The following TSC2 variants were observed in gnomAD, a reference collection of about 807,000 sequenced individuals.
TSC2 encodes TSC complex subunit 2.
In TSC2, 29 loss-of-function variants were observed where a neutral mutation model predicts 202.2. The observed-to-expected ratio is 0.14, with a 90% confidence interval of 0.11 to 0.20. The LOEUF is 0.20. Among genes scored for constraint, TSC2 ranks in the 10% least tolerant of loss-of-function variants. TSC2 has a pLI of 1.00. For missense variants in TSC2, 2,429 were observed against 2,420.0 expected (o/e 1.00, Z -0.08); for synonymous variants, 1,349 against 1,044.0 (o/e 1.29, Z -5.63).
intron 33 of TSC2, 143 bp downstream of exon 33, chr16:2,083,959 G>T: frequency 7.0e-7 from 1 of 1,424,382 alleles, no homozygotes; most frequent in South Asian, 1.4e-5. Flanking sequence ...TGCACAGACG[G>T]TCTGCACTTT....
At chr16:2,081,539 A>G in intron 30 of TSC2, 56 bp from the exon 31 acceptor site, 2 of 1,608,640 alleles carry the variant, frequency 1.2e-6, no homozygotes, top group Middle Eastern at 1.7e-4. Flanking sequence ...CTGGGGGGCC[A>G]GAGATGGGTA....
At chr16:2,074,075 A>T in intron 21 of TSC2, 125 bp from the exon 22 acceptor site, 1 of 1,256,096 alleles carries the variant, frequency 8.0e-7, no homozygotes, top group Non-Finnish European at 1.1e-6. Flanking sequence ...GCTCTGCCCC[A>T]CAGGCATTCA....
chr16:2,053,898 A>T, intron 4 of TSC2: 1 of 445,510 alleles, frequency 2.2e-6, no homozygotes, highest in Non-Finnish European at 4.4e-6. Flanking sequence ...CTACTCCTTC[A>T]TGTCCCAGCT....
chr16:2,071,265 TGTG>T, intron 17 of TSC2: 3 of 579,072 alleles, frequency 5.2e-6, no homozygotes, highest in Non-Finnish European at 9.4e-6. Flanking sequence ...CGGGCCCAGC[TGTG>T]GTGGTGGGGA....
intron 13 of TSC2, 118 bp from the exon 14 acceptor site, chr16:2,062,854 C>T: frequency 1.7e-6 from 2 of 1,171,854 alleles, no homozygotes; most frequent in Non-Finnish European, 1.2e-6. Context: ...AGCTCTGTGC[C>T]CTGTGTGCCT....
At position 2,053,675 on chromosome 16, in the gene TSC2, CT is replaced by C. The variant is rs1478528269; in HGVS notation, c.336+225del. The C allele has an allele frequency of 1.3e-5, 9 of 669,992 alleles. No individual in the cohort carries two copies. In the Admixed American group the frequency reaches 1.6e-4, roughly 12 times the overall value. 41.5% of individuals were successfully genotyped at this position (669,992 alleles called of 1,614,324 possible). On this transcript the variant is annotated intron_variant, in intron 4 of 41. Transcript: ENST00000219476. Reference sequence around the variant, plus strand: ...GCCTGTAAACAGATGGTCACTGCACCTTCCTCTTATGGGATGTTCTGGGGAT... The same window carrying C: ...GCCTGTAAACAGATGGTCACTGCACCTCCTCTTATGGGATGTTCTGGGGAT...
At chr16:2,075,974 C>A in intron 23 of TSC2, 82 bp downstream of exon 23, 1 of 1,611,602 alleles carries the variant, frequency 6.2e-7, no homozygotes, top group East Asian at 2.2e-5. Context: ...CAGCCTTTGT[C>A]CCCAAGGCCT....
At position 2,088,713 on chromosome 16, in the gene TSC2, G is replaced by C. The variant is rs550001058; in HGVS notation, c.*103G>C. ...CACAGACATAGAGGCACAGATTGCA[G>C]TCAGACAGCTCTTTTATTGACTTTG... On this transcript the variant is annotated 3_prime_UTR_variant, in exon 42 of 42. Coordinates refer to ENST00000219476, the MANE Select transcript of TSC2 (RefSeq NM_000548.5). 1.4e-6 allele frequency: 2 copies of C among 1,436,872 alleles called. No homozygotes were observed. Among genetic ancestry groups the C allele is most frequent in the East Asian group, 2.5e-5 (1 of 40,142 alleles). 89.0% of individuals were successfully genotyped at this position (1,436,872 alleles called of 1,614,324 possible).
intron 24 of TSC2, 149 bp from the exon 25 acceptor site, chr16:2,076,342 G>A (rs1373455235): frequency 1.1e-5 from 17 of 1,561,030 alleles, no homozygotes; most frequent in East Asian, 4.6e-5. Context: ...GCTTTGATGC[G>A]CGGCAGGCAT....
intron 24 of TSC2, 102 bp from the exon 25 acceptor site, chr16:2,076,389 A>AG: frequency 6.3e-7 from 1 of 1,585,426 alleles, no homozygotes. Context: ...CCTTGCCCCT[A>AG]GCCTGCAGCT....
At position 2,084,489 on chromosome 16, in the gene TSC2, C is replaced by G. The variant is rs1484475537; in HGVS notation, c.4267C>G (p.Leu1423Val). ...TAAGGCCCGGTCACAGTCAGGGACC[C>G]TGGACGGGGAAAGTGCTGCCTGGTC... Reference protein sequence around the residue: ...EVKARSQSGTLDGESAAWSAS... With the variant: ...EVKARSQSGTVDGESAAWSAS... Residue 1423 changes from leucine (L) to valine (V), a missense_variant, in exon 34 of 42, where the codon CTG (leucine) becomes GTG (valine). By Grantham distance (32) the Leu-to-Val change is conservative. Coordinates refer to ENST00000219476, the MANE Select transcript of TSC2 (RefSeq NM_000548.5). The G allele has an allele frequency of 6.2e-7, 1 of 1,609,072 alleles. No individual in the cohort carries two copies. The highest frequency in any genetic ancestry group is 8.5e-7 in the Non-Finnish European group (1 of 1,178,670).
chr16:2,073,017 G>A, intron 21 of TSC2, 34 bp downstream of exon 21: 1 of 1,612,886 alleles, frequency 6.2e-7, no homozygotes, highest in Non-Finnish European at 8.5e-7. Context: ...CGAGCTTGAT[G>A]GGGCCTGGGA....
chr16:2,072,598 T>C (rs992753514), intron 20 of TSC2: 14 of 785,242 alleles, frequency 1.8e-5, no homozygotes, highest in Non-Finnish European at 2.8e-5. Flanking sequence ...TGTCACTGAA[T>C]GTGGATGTCT....
At chr16:2,048,237 C>G in intron 1 of TSC2, 172 bp downstream of exon 1, 1 of 1,411,660 alleles carries the variant, frequency 7.1e-7, no homozygotes, top group Non-Finnish European at 9.8e-7. Context: ...CGGGTCTCTG[C>G]TGCAGGCGGC....
At chr16:2,085,468 C>T (rs556383446) in intron 36 of TSC2, 146 bp downstream of exon 36, 2 of 897,178 alleles carry the variant, frequency 2.2e-6, no homozygotes, top group African/African-American at 1.6e-5. Flanking sequence ...GAGCTCTGTG[C>T]CAGGTGCTGC....
In TSC2 at chr16:2,085,000, A is replaced by T; in HGVS notation, c.4543A>T (p.Asn1515Tyr). 1 of 1,613,292 alleles carries T rather than the reference A, an allele frequency of 6.2e-7. No individual in the cohort carries two copies. Among genetic ancestry groups the T allele is most frequent in the Non-Finnish European group, 8.5e-7 (1 of 1,179,970 alleles). The stretch of plus-strand genomic sequence containing the variant: ...TTCCCCCTTCTTTGGCGACGAGTCA[A>T]ACAAGCCAATCCTGCTGCCCAATGA... The part of the protein sequence containing the change: ...YHSPFFGDES[N>Y]KPILLPNESQ... Residue 1515 changes from asparagine (N) to tyrosine (Y), a missense_variant, in exon 35 of 42, where the codon AAC (asparagine) becomes TAC (tyrosine). Physicochemically the swap from Asn to Tyr is moderately radical, Grantham distance 143. Transcript: ENST00000219476.
At chr16:2,056,407 G>A (rs1294078508) in intron 7 of TSC2, among the ~76,000 whole-genome samples, 163 bp downstream of exon 7, 3 of 152,232 alleles carry the variant, frequency 2.0e-5, no homozygotes, top group African/African-American at 4.8e-5. Flanking sequence ...CAGGATAGCC[G>A]GGCGCCTCCA....
At chr16:2,054,004 C>A in intron 4 of TSC2, 1 of 504,428 alleles carries the variant, frequency 2.0e-6, no homozygotes, top group South Asian at 2.0e-5. Context: ...TGCCCTGCAC[C>A]GAGTGCAGGG....
Position 2,075,868 on chromosome 16 carries a change from C to T in TSC2, c.2615C>T (p.Ser872Phe), listed in dbSNP as rs1261671606. The T allele has an allele frequency of 2.5e-6, 4 of 1,613,200 alleles. No individual in the cohort carries two copies. The highest frequency in any genetic ancestry group is 3.4e-6 in the Non-Finnish European group (4 of 1,179,996). The change falls in exon 23 of 42, where the codon TCC (serine) becomes TTC (phenylalanine). Residue 872 changes from serine (S) to phenylalanine (F), a missense_variant. Ser to Phe is a radical substitution (Grantham distance 155). Coordinates refer to ENST00000219476, the MANE Select transcript of TSC2 (RefSeq NM_000548.5). ...AEQYASVFAISLPYTNPSKFN... is the reference protein window; with the variant it reads ...AEQYASVFAIFLPYTNPSKFN... The stretch of plus-strand genomic sequence containing the variant: ...CAGTATGCCAGTGTGTTCGCCATCT[C>T]CCTGCCGTACACCAACCCCTCCAAG...
Sources: allele counts gnomAD v4.1 joint callset (sites outside exome capture counted in the v4.1 genomes callset), GRCh38; gene constraint gnomAD v4.1.1; transcripts MANE v1.5; gene names NCBI Gene and HGNC (gene_info 2026-07-23, HGNC 2026-07-21).